The following PDIA6 variants were observed in gnomAD, a reference collection of about 807,000 sequenced individuals.
PDIA6 encodes protein disulfide-isomerase A6.
In PDIA6, 29 loss-of-function variants were observed where a neutral mutation model predicts 58.4. The observed-to-expected ratio is 0.50, with a 90% CI of 0.37 to 0.68. PDIA6 has a LOEUF of 0.68. PDIA6 is among the 30% of genes least tolerant of loss of function. PDIA6 has a pLI of 0.00. For synonymous variants in PDIA6, 192 were observed against 202.6 expected (o/e 0.95, Z 0.44); for missense variants, 480 against 551.0 (o/e 0.87, Z 1.29).
upstream of PDIA6, among the ~76,000 whole-genome samples, chr2:10,814,833 C>T (rs1486948722): frequency 6.6e-6 from 1 of 152,232 alleles, no homozygotes; most frequent in Non-Finnish European, 1.5e-5. Flanking sequence ...TCCAGGCCTG[C>T]TGTGTTTGGG....
chr2:10,784,970 G>A lies in PDIA6; in HGVS notation c.1218C>T (p.Ile406=), dbSNP rs541210055. Residue 406 remains isoleucine (I), a synonymous_variant, in exon 12 of 13, where the codon ATC becomes ATT. Transcript: ENST00000272227. The part of the protein sequence containing the change: ...APVGGGAFPT[I]VEREPWDGRD... ...TGCCGTCCCAAGGCTCTCTCTCAAC[G>A]ATGGTAGGGAAAGCCCCGCCTCCTA... The A allele has an allele frequency of 1.9e-5, 30 of 1,592,658 alleles. No homozygotes were observed. The East Asian group carries it at 3.4e-4, about 18-fold the overall frequency.
At chr2:10,827,356 CCCA>C (rs1667580488) in intron 1 of PDIA6, among the ~76,000 whole-genome samples, 1 of 152,108 alleles carries the variant, frequency 6.6e-6, no homozygotes, top group Non-Finnish European at 1.5e-5. Flanking sequence ...AGCCACCGCA[CCCA>C]GCCTTATTTA....
intron 1 of PDIA6, among the ~76,000 whole-genome samples, chr2:10,810,894 GGGAAATTGGA>G (rs1666975704): frequency 6.6e-6 from 1 of 152,114 alleles, no homozygotes; most frequent in Non-Finnish European, 1.5e-5. Context: ...GAACACCAAT[GGGAAATTGGA>G]CCATCCGAGT....
At chr2:10,822,984 G>A (rs559401152) in intron 1 of PDIA6, 1 of 152,344 alleles carries the variant, frequency 6.6e-6, no homozygotes, top group South Asian at 2.1e-4. Context: ...GTATCCCCAT[G>A]GCTTATCTGG....
At chr2:10,791,736 G>A (rs1666041637) in intron 6 of PDIA6, 59 bp downstream of exon 6, 5 of 1,496,174 alleles carry the variant, frequency 3.3e-6, no homozygotes, top group Non-Finnish European at 4.6e-6. Flanking sequence ...TTCAAAATAA[G>A]CTAATGAATG....
At chr2:10,797,634 T>G (rs1159718094) in intron 3 of PDIA6, 66 bp downstream of exon 3, 2 of 1,078,308 alleles carry the variant, frequency 1.9e-6, no homozygotes, top group Non-Finnish European at 2.8e-6. Context: ...CAGGTGAATA[T>G]GGACATCTTA....
At position 10,790,821 on chromosome 2, in the gene PDIA6, C is replaced by G. The variant is rs773600727; in HGVS notation, c.597G>C (p.Glu199Asp). 10 of 1,613,042 alleles carry G rather than the reference C, an allele frequency of 6.2e-6. No individual in the cohort carries two copies. Among genetic ancestry groups the G allele is most frequent in the Non-Finnish European group, 8.5e-6 (10 of 1,179,138 alleles). Residue 199 changes from glutamate to aspartate, a missense_variant, in exon 7 of 13, where the codon GAG (glutamate) becomes GAC (aspartate). Transcript: ENST00000272227. ...WCGHCKNLEP[E>D]WAAAASEVKE... ...TTACTTCTGAAGCTGCGGCAGCCCA[C>G]TCTGGCTCTAGGCTATAGAAAAATA...
intron 11 of PDIA6, 137 bp from the exon 12 acceptor site, chr2:10,785,167 C>T: frequency 1.6e-6 from 1 of 635,098 alleles, no homozygotes; most frequent in Non-Finnish European, 2.8e-6. Flanking sequence ...GCACTACATT[C>T]CTCAGAAACA....
upstream of PDIA6, chr2:10,815,609 A>G (rs1193836610): frequency 6.6e-6 from 1 of 152,220 alleles, no homozygotes; most frequent in East Asian, 1.9e-4. Context: ...CAGTGGCGCA[A>G]TCTCGGCTCA....
At chr2:10,813,024 C>A (rs557569873), upstream of PDIA6, among the ~76,000 whole-genome samples, 1,433 of 152,228 alleles carry the variant, frequency 9.4e-3, 22 homozygotes, top group African/African-American at 0.033. Context: ...CGCCTCAGCT[C>A]CTCCGGGCCC....
At position 10,793,213 on chromosome 2, in the gene PDIA6, C is replaced by T. The variant is rs374852559; in HGVS notation, c.347-11G>A. On this transcript the variant is annotated splice_polypyrimidine_tract_variant and intron_variant, in intron 4 of 12. Coordinates refer to ENST00000272227, the MANE Select transcript of PDIA6 (RefSeq NM_005742.4). Reference sequence around the variant, plus strand: ...CACCAGTTCTGCCACCTACAGGAGACGGAAGGTAGGCGGTCCTCAGCCCGG... The same window carrying T: ...CACCAGTTCTGCCACCTACAGGAGATGGAAGGTAGGCGGTCCTCAGCCCGG... The T allele has an allele frequency of 6.9e-6, 11 of 1,585,288 alleles. No homozygotes were observed. The highest frequency in any genetic ancestry group is 3.4e-4 in the Middle Eastern group (2 of 5,966).
intron 1 of PDIA6, chr2:10,820,996 C>T (rs1319372972): frequency 3.3e-6 from 2 of 611,806 alleles, no homozygotes; most frequent in African/African-American, 3.7e-5. Context: ...GTCGTTGGGC[C>T]CAGGACGAAG....
At chr2:10,812,962 G>T, upstream of PDIA6, 1 of 523,588 alleles carries the variant, frequency 1.9e-6, no homozygotes, top group Non-Finnish European at 2.7e-6. Flanking sequence ...GCGGTGGCGA[G>T]CAGCGGAAGG....
At chr2:10,825,670 TGAGTA>T (rs754528525) in intron 1 of PDIA6, among the ~76,000 whole-genome samples, 4 of 152,198 alleles carry the variant, frequency 2.6e-5, no homozygotes, top group Non-Finnish European at 5.9e-5. Flanking sequence ...CCAAAGGATC[TGAGTA>T]GACATTTCTC....
intron 11 of PDIA6, 50 bp from the exon 12 acceptor site, chr2:10,785,080 G>C: frequency 4.0e-6 from 5 of 1,236,040 alleles, no homozygotes; most frequent in Non-Finnish European, 5.8e-6. Flanking sequence ...ATGGACTGCT[G>C]GTGCAGAAGA....
In PDIA6 at chr2:10,819,503, A is replaced by G. The variant is rs191796607; in HGVS notation, c.-47-149T>C. ...CAACGAAAAGTTATAGTGCTGAAAA[A>G]TCTTATTCCTGAAAAAGCACAGACT... is the stretch of plus-strand genomic sequence containing the variant. On this transcript the variant is annotated intron_variant, in intron 1 of 13. Coordinates refer to the PDIA6 transcript ENST00000381611. The G allele has an allele frequency of 8.1e-4, 480 of 593,686 alleles. No homozygotes were observed. In the African/African-American group the frequency reaches 8.3e-3, roughly 10 times the overall value. 36.8% of individuals were successfully genotyped at this position (593,686 alleles called of 1,614,324 possible).
intron 1 of PDIA6, among the ~76,000 whole-genome samples, chr2:10,811,045 T>C (rs1666981427): frequency 6.6e-6 from 1 of 152,084 alleles, no homozygotes; most frequent in Non-Finnish European, 1.5e-5. Context: ...GAGTCTACAG[T>C]CCCAGAGCAG....
At chr2:10,785,957 G>A (rs1408425575) in intron 11 of PDIA6, among the ~76,000 whole-genome samples, 6 of 151,452 alleles carry the variant, frequency 4.0e-5, no homozygotes, top group East Asian at 2.0e-4. Context: ...CAAGTGATCC[G>A]CCTGCCTCAG....
chr2:10,791,716 C>G (rs2148539146), intron 6 of PDIA6, 79 bp downstream of exon 6: 1 of 1,314,350 alleles, frequency 7.6e-7, no homozygotes, highest in Non-Finnish European at 1.1e-6. Flanking sequence ...CTATTATCTA[C>G]TTCAGCTCTT....
Sources: gnomAD v4.1 joint callset for allele counts (sites outside exome capture counted in the v4.1 genomes callset) on GRCh38, gnomAD v4.1.1 for gene constraint, MANE v1.5 for transcripts, NCBI Gene and HGNC (gene_info 2026-07-23, HGNC 2026-07-21) for gene names.